RIC3: variants seen among roughly 807,000 people sequenced by gnomAD.
The protein encoded by RIC3 is protein RIC-3.
A neutral mutation model predicts 27.3 loss-of-function variants in RIC3; 28 were observed. The observed-to-expected ratio is 1.02, with a 90% CI of 0.76 to 1.41. The LOEUF is 1.41. RIC3 is among the 40% of genes most tolerant of loss of function. RIC3 has a pLI of 0.00. For missense variants in RIC3, 501 were observed against 444.7 expected, an observed-to-expected ratio of 1.13 and a Z score of -1.14; for synonymous variants, 184 against 160.4, an observed-to-expected ratio of 1.15 and a Z score of -1.11.
Position 8,137,408 on chromosome 11 carries a change from A to G in RIC3, c.491T>C (p.Leu164Ser), listed in dbSNP as rs753470358. ...ACCATTAGGTCCCACTCTGTTGATT[A>G]ATTTTTCCATGGCTGCTTCTGTCTC... ...LKETEAAMEK[L>S]INRVGPNGES... is the part of the protein sequence containing the mutation. Residue 164 changes from leucine to serine, a missense_variant, in exon 4 of 6, where the codon TTA (leucine) becomes TCA (serine). By Grantham distance (145) the Leu-to-Ser change is moderately radical (BLOSUM62 -2). Coordinates refer to ENST00000309737, the MANE Select transcript of RIC3 (RefSeq NM_001206671.4). The G allele has an allele frequency of 6.2e-7, 1 of 1,614,080 alleles. No homozygotes were observed. Among genetic ancestry groups the G allele is most frequent in the South Asian group, 1.1e-5 (1 of 91,076 alleles).
At chr11:8,101,027 T>C in the RIC3 span, 1 of 1,613,228 alleles carries the variant, frequency 6.2e-7, no homozygotes, top group Non-Finnish European at 8.5e-7. Flanking sequence ...CTCATTATGG[T>C]CCGTAGGATA....
chr11:8,098,942 T>C, the RIC3 span: 3 of 1,156,278 alleles, frequency 2.6e-6, no homozygotes, highest in East Asian at 4.7e-5. Context: ...TGATGCCTGA[T>C]CTAGGGGCTA....
intron 5 of RIC3, among the ~76,000 whole-genome samples, chr11:8,114,621 A>G (rs1163011099): frequency 7.2e-6 from 1 of 138,736 alleles, no homozygotes; most frequent in Admixed American, 7.1e-5. Context: ...AAAAAAAAAG[A>G]AAGAAAGAAA....
At position 8,110,749 on chromosome 11, in the gene RIC3, T is replaced by C. The variant is rs2134023433; in HGVS notation, c.1059A>G (p.Lys353=). The C allele has an allele frequency of 6.2e-7, 1 of 1,614,232 alleles. No homozygotes were observed. Among genetic ancestry groups the C allele is most frequent in the East Asian group, 2.2e-5 (1 of 44,882 alleles). Residue 353 remains lysine, a synonymous_variant, in exon 6 of 6, where the codon AAA becomes AAG. Coordinates refer to ENST00000309737, the MANE Select transcript of RIC3 (RefSeq NM_001206671.4). The part of the protein sequence containing the change: ...KDEGLGISTD[K]AYTGSMLRKR... ...TCCTCAGCATGCTGCCTGTATATGC[T>C]TTATCGGTGCTGATGCCCAACCCTT...
intron 5 of RIC3, among the ~76,000 whole-genome samples, chr11:8,124,671 G>C (rs1207357014): frequency 6.6e-6 from 1 of 152,198 alleles, no homozygotes; most frequent in Non-Finnish European, 1.5e-5. Context: ...ATTGGTACAA[G>C]TAGAGACATA....
the RIC3 span, chr11:8,098,934 A>T: frequency 5.6e-6 from 7 of 1,247,434 alleles, no homozygotes; most frequent in South Asian, 8.5e-5. Context: ...CCAGGACTTG[A>T]TGCCTGATCT....
At chr11:8,134,817 T>C (rs1431646113) in intron 4 of RIC3, among the ~76,000 whole-genome samples, 3 of 152,230 alleles carry the variant, frequency 2.0e-5, no homozygotes, top group Admixed American at 6.5e-5. Context: ...TCTGTTTATA[T>C]CCTTTGCCCG....
intron 4 of RIC3, among the ~76,000 whole-genome samples, chr11:8,132,988 T>A (rs1016769364): frequency 6.6e-6 from 1 of 152,240 alleles, no homozygotes; most frequent in African/African-American, 2.4e-5. Flanking sequence ...TGTCTCCTCC[T>A]ATACTCATGT....
chr11:8,098,419 C>A, the RIC3 span, among the ~76,000 whole-genome samples: 10 of 152,148 alleles, frequency 6.6e-5, no homozygotes. Flanking sequence ...GGGTGCTAAG[C>A]CTCTTCCACT....
At chr11:8,099,172 G>C in the RIC3 span, among the ~76,000 whole-genome samples, 1 of 152,082 alleles carries the variant, frequency 6.6e-6, no homozygotes, top group African/African-American at 2.4e-5. Flanking sequence ...CTGGGTTCTT[G>C]TCTGTGCATT....
At chr11:8,141,978 C>T (rs555728362) in intron 1 of RIC3, among the ~76,000 whole-genome samples, 9 of 150,934 alleles carry the variant, frequency 6.0e-5, no homozygotes, top group East Asian at 3.9e-4. Flanking sequence ...TTGAAACCAA[C>T]GAGAACAAAG....
At chr11:8,117,950 C>T (rs958069839) in intron 5 of RIC3, among the ~76,000 whole-genome samples, 9 of 151,984 alleles carry the variant, frequency 5.9e-5, no homozygotes, top group South Asian at 2.1e-4. Flanking sequence ...AGGCTGGGCA[C>T]GGTCGCTCAC....
chr11:8,122,470 C>T (rs1380392958), intron 5 of RIC3, among the ~76,000 whole-genome samples: 1 of 150,422 alleles, frequency 6.6e-6, no homozygotes, highest in Non-Finnish European at 1.5e-5. Context: ...TATATATGTA[C>T]CACAGTTTAT....
chr11:8,116,534 A>C (rs1945880261), intron 5 of RIC3, among the ~76,000 whole-genome samples: 1 of 152,240 alleles, frequency 6.6e-6, no homozygotes, highest in South Asian at 2.1e-4. Context: ...ATAATGGGTT[A>C]ATATGCAAAA....
intron 4 of RIC3, among the ~76,000 whole-genome samples, chr11:8,128,750 C>CTTTTTTTTTTTT (rs1177448703): frequency 1.1e-5 from 1 of 88,502 alleles, no homozygotes; most frequent in African/African-American, 4.6e-5. Flanking sequence ...GTTGCAAAAA[C>CTTTTTTTTTTTT]TTTTTTTTTT....
chr11:8,110,458 A>G lies in RIC3; in HGVS notation c.*240T>C. The G allele has an allele frequency of 5.1e-6, 3 of 593,606 alleles. No homozygotes were observed. Among genetic ancestry groups the G allele is most frequent in the Non-Finnish European group, 9.1e-6 (3 of 331,316 alleles). The allele number at this position is 593,606 out of a possible 1,614,324, so 36.8% of individuals were successfully genotyped here. On this transcript the variant is annotated 3_prime_UTR_variant, in exon 6 of 6. Transcript: ENST00000309737. ...ATTACTTAATGGATCAACTTCTCTG[A>G]TAGAGGAAAGGCAGGAAGAGAAAGA...
At chr11:8,095,398 G>T in the RIC3 span, 3 of 1,294,744 alleles carry the variant, frequency 2.3e-6, no homozygotes, top group African/African-American at 3.0e-5. Context: ...TTTTGCAGAG[G>T]GTTTCCCCAC....
At chr11:8,167,258 A>T (rs1407218588) in intron 1 of RIC3, among the ~76,000 whole-genome samples, 1 of 152,248 alleles carries the variant, frequency 6.6e-6, no homozygotes, top group African/African-American at 2.4e-5. Context: ...AGACAAAAAA[A>T]CAAACAAGTA....
At chr11:8,101,379 T>C (rs2133917997), downstream of RIC3, 2 of 1,399,322 alleles carry the variant, frequency 1.4e-6, no homozygotes, top group Non-Finnish European at 1.0e-6. Context: ...GCATCTCTGC[T>C]TCTCACTTGT....
Sources: gnomAD v4.1 joint callset for allele counts (sites outside exome capture counted in the v4.1 genomes callset) on GRCh38, gnomAD v4.1.1 for gene constraint, MANE v1.5 for transcripts, NCBI Gene and HGNC (gene_info 2026-07-23, HGNC 2026-07-21) for gene names.